TSHZ3: variants seen among roughly 807,000 people sequenced by gnomAD.
The protein encoded by TSHZ3 is teashirt zinc finger homeobox 3.
In TSHZ3, 10 loss-of-function variants were observed where a neutral mutation model predicts 64.5. The observed-to-expected ratio is 0.16, with a 90% CI of 0.10 to 0.26. The LOEUF (loss-of-function observed/expected upper bound fraction) is 0.26, where lower values mean the gene tolerates loss of function less well. TSHZ3 is among the 10% of genes least tolerant of loss of function. The pLI, the probability that TSHZ3 is intolerant of heterozygous loss-of-function variation, is 1.00. For missense variants in TSHZ3, 1,242 were observed against 1,421.7 expected, an observed-to-expected ratio of 0.87 and a Z score of 2.03; for synonymous variants, 608 against 593.1, an observed-to-expected ratio of 1.03 and a Z score of -0.36.
chr19:31,283,977 A>T (rs1244099534), intron 1 of TSHZ3, among the ~76,000 whole-genome samples: 1 of 152,192 alleles, frequency 6.6e-6, no homozygotes, highest in Non-Finnish European at 1.5e-5. Flanking sequence ...TGGCTTCAGT[A>T]GCCCAGGGGT....
At chr19:31,152,577 A>G (rs956590651) in intron 6 of TSHZ3, among the ~76,000 whole-genome samples, 1 of 152,180 alleles carries the variant, frequency 6.6e-6, no homozygotes, top group African/African-American at 2.4e-5. Context: ...GGACCTCACC[A>G]AGGATGTTCA....
intron 1 of TSHZ3, among the ~76,000 whole-genome samples, chr19:31,335,726 C>A (rs977986192): frequency 1.3e-5 from 2 of 152,214 alleles, no homozygotes; most frequent in Admixed American, 1.3e-4. Flanking sequence ...CAGGTGAGAC[C>A]TCTGTGAGGG....
Position 31,277,825 on chromosome 19 carries a change from C to G in TSHZ3, c.1968G>C (p.Met656Ile), listed in dbSNP as rs1469297105. 1 of 1,565,702 alleles carries G rather than the reference C, an allele frequency of 6.4e-7. No individual in the cohort carries two copies. The highest frequency in any genetic ancestry group is 8.6e-7 in the Non-Finnish European group (1 of 1,157,928). ...GGAAGCCCCCATCGCTGGATGCCTC[C>G]ATCTTGATGGGTTCCCCGACTTCGC... ...CSSEVGEPIKMEASSDGGFRS... is the reference protein window; with the variant it reads ...CSSEVGEPIKIEASSDGGFRS... The change falls in exon 2 of 2, where the codon ATG becomes ATC. Residue 656 changes from methionine to isoleucine, a missense_variant. Around this residue, in one of 4 missense-constraint regions of TSHZ3, gnomAD observed 550 missense variants for 545.1 expected, o/e 1.01. Coordinates refer to ENST00000240587, the MANE Select transcript of TSHZ3 (RefSeq NM_020856.4). The surrounding 1 kb of genome is among the most constrained non-coding windows in gnomAD (Gnocchi z 4.5).
At chr19:31,211,004 C>T (rs760025779) in intron 4 of TSHZ3, among the ~76,000 whole-genome samples, 1 of 152,160 alleles carries the variant, frequency 6.6e-6, no homozygotes, top group Non-Finnish European at 1.5e-5. Context: ...ATCACAATTA[C>T]ATGAATTATA....
chr19:31,221,555 G>T (rs898556784), intron 4 of TSHZ3, among the ~76,000 whole-genome samples: 6 of 152,174 alleles, frequency 3.9e-5, no homozygotes, highest in African/African-American at 1.4e-4. Context: ...TCATCTGAAG[G>T]TTAGCTGGGC....
chr19:31,281,240 C>A (rs1051192351), intron 1 of TSHZ3, among the ~76,000 whole-genome samples: 5 of 152,062 alleles, frequency 3.3e-5, no homozygotes, highest in Admixed American at 3.3e-4. Flanking sequence ...CAACAATAAA[C>A]AAACAAACAA....
At chr19:31,300,818 G>T (rs1290836816) in intron 1 of TSHZ3, among the ~76,000 whole-genome samples, 1 of 152,130 alleles carries the variant, frequency 6.6e-6, no homozygotes, top group Non-Finnish European at 1.5e-5. Flanking sequence ...CCCAGAACCA[G>T]CTAGATGACC....
intron 1 of TSHZ3, among the ~76,000 whole-genome samples, chr19:31,284,690 GT>G (rs1976423947): frequency 6.6e-6 from 1 of 152,120 alleles, no homozygotes; most frequent in Non-Finnish European, 1.5e-5. Context: ...GGATAGCAGG[GT>G]TTTGACCCCA....
At chr19:31,164,129 G>A (rs1013505717) in intron 5 of TSHZ3, among the ~76,000 whole-genome samples, 1 of 152,086 alleles carries the variant, frequency 6.6e-6, no homozygotes, top group African/African-American at 2.4e-5. Flanking sequence ...GACAGCCAGA[G>A]GTCTAGAGGA....
At chr19:31,152,076 C>G (rs973566513) in intron 6 of TSHZ3, among the ~76,000 whole-genome samples, 4 of 151,784 alleles carry the variant, frequency 2.6e-5, no homozygotes, top group African/African-American at 9.7e-5. Context: ...AGAGTCAATT[C>G]TCCCTGTAAA....
chr19:31,242,855 C>T (rs748185088), exon 2 of TSHZ3, among the ~76,000 whole-genome samples: 3 of 89,878 alleles, frequency 3.3e-5, no homozygotes, highest in African/African-American at 1.3e-4. Context: ...CCAAAGTCAG[C>T]GGAAGATGGG....
At chr19:31,194,216 T>A (rs894910132) in intron 5 of TSHZ3, among the ~76,000 whole-genome samples, 1 of 152,190 alleles carries the variant, frequency 6.6e-6, no homozygotes, top group African/African-American at 2.4e-5. Flanking sequence ...AGTCATTGGG[T>A]ATCCCTCACA....
chr19:31,177,221 G>A (rs893535778), intron 5 of TSHZ3, among the ~76,000 whole-genome samples: 16 of 152,198 alleles, frequency 1.1e-4, no homozygotes, highest in African/African-American at 3.9e-4. Flanking sequence ...CATACAGTGG[G>A]TTACTGTAGG....
chr19:31,164,539 A>G (rs949455846), intron 5 of TSHZ3, among the ~76,000 whole-genome samples: 6 of 152,152 alleles, frequency 3.9e-5, no homozygotes, highest in Non-Finnish European at 7.3e-5. Context: ...ATGAATGGTG[A>G]GTGAATGAAG....
At chr19:31,299,131 G>T (rs956235057) in intron 1 of TSHZ3, among the ~76,000 whole-genome samples, 3 of 152,294 alleles carry the variant, frequency 2.0e-5, no homozygotes, top group Admixed American at 1.3e-4. Flanking sequence ...AAGGGCGGAG[G>T]TTGCAGTAAG....
intron 4 of TSHZ3, among the ~76,000 whole-genome samples, chr19:31,220,766 G>A (rs1460388897): frequency 6.6e-6 from 1 of 152,142 alleles, no homozygotes; most frequent in Non-Finnish European, 1.5e-5. Flanking sequence ...CGAGTCACAT[G>A]ACCACACCTC....
chr19:31,206,906 G>A (rs1975186429), intron 4 of TSHZ3, among the ~76,000 whole-genome samples: 1 of 152,136 alleles, frequency 6.6e-6, no homozygotes, highest in African/African-American at 2.4e-5. Context: ...CCTGCAATCT[G>A]CCCCAACTTT....
At chr19:31,333,795 A>T (rs760400318) in intron 1 of TSHZ3, among the ~76,000 whole-genome samples, 1 of 152,160 alleles carries the variant, frequency 6.6e-6, no homozygotes, top group Non-Finnish European at 1.5e-5. Flanking sequence ...CCCGTTAAAA[A>T]TGGTCCTGCC....
At chr19:31,259,025 C>T (rs1212083276) in intron 1 of TSHZ3, among the ~76,000 whole-genome samples, 1 of 152,168 alleles carries the variant, frequency 6.6e-6, no homozygotes, top group Non-Finnish European at 1.5e-5. Context: ...AAAGTCACGG[C>T]AGTATTCAAA....
Sources: allele counts gnomAD v4.1 joint callset (sites outside exome capture counted in the v4.1 genomes callset), GRCh38; gene constraint gnomAD v4.1.1; regional missense constraint gnomAD v4.1.1; non-coding constraint Gnocchi (gnomAD v3.1); transcripts MANE v1.5; gene names NCBI Gene and HGNC (gene_info 2026-07-23, HGNC 2026-07-21).